Variants in KCNJ6 observed in about 807,000 individuals in gnomAD.
The protein encoded by KCNJ6 is G protein-activated inward rectifier potassium channel 2.
In KCNJ6, 9 loss-of-function variants were observed where a neutral mutation model predicts 34.2. The ratio of observed to expected loss-of-function variants is 0.26; its 90% CI spans 0.16 to 0.46. The LOEUF (loss-of-function observed/expected upper bound fraction) is 0.46, where lower values mean the gene tolerates loss of function less well. Ranked by LOEUF, KCNJ6 falls within the 20% of genes least tolerant of loss-of-function variation. The probability of loss-of-function intolerance (pLI) is 1.00; values close to 1 mark genes in which losing one functional copy is unlikely to be tolerated. For synonymous variants in KCNJ6, 196 were observed against 207.1 expected, an observed-to-expected ratio of 0.95 and a Z score of 0.46; for missense variants, 236 against 531.3, an observed-to-expected ratio of 0.44 and a Z score of 5.46.
intron 2 of KCNJ6, among the ~76,000 whole-genome samples, chr21:37,814,723 G>A (rs1601484724): frequency 6.6e-6 from 1 of 151,854 alleles, no homozygotes; most frequent in South Asian, 2.1e-4. Context: ...ACGGTGAAAC[G>A]CTGTCTCCAC....
chr21:37,704,048 T>G (rs760136193), intron 3 of KCNJ6, among the ~76,000 whole-genome samples: 1 of 152,236 alleles, frequency 6.6e-6, no homozygotes, highest in Non-Finnish European at 1.5e-5. Flanking sequence ...CATCTGTTGT[T>G]GGCTTAACAG....
intron 3 of KCNJ6, among the ~76,000 whole-genome samples, chr21:37,706,682 A>G (rs544814613): frequency 6.6e-5 from 10 of 152,388 alleles, no homozygotes; most frequent in African/African-American, 2.2e-4. Context: ...CATTCTTTCT[A>G]TGTAAACAGA....
At chr21:37,732,195 C>T (rs972712304) in intron 2 of KCNJ6, among the ~76,000 whole-genome samples, 2 of 151,374 alleles carry the variant, frequency 1.3e-5, no homozygotes, top group African/African-American at 4.8e-5. Flanking sequence ...AAGGTCAAAG[C>T]GTTGCCCTCA....
chr21:37,707,861 CTATT>C lies in KCNJ6; in HGVS notation c.946+6346_946+6349del, dbSNP rs570472156. ...GAATGCCCTAGGAAATAATAAAACTCTATTTGTTTAAGGATATGCTAATTAGAGA... is the reference window on the plus strand; with the variant it reads ...GAATGCCCTAGGAAATAATAAAACTCTGTTTAAGGATATGCTAATTAGAGA... On this transcript the variant is annotated intron_variant, in intron 3 of 3. Transcript: ENST00000609713. 3.1e-3 allele frequency among the ~76,000 whole-genome samples: 465 copies of C among 151,638 alleles called. 7 individuals carry two copies. The highest frequency in any genetic ancestry group is 0.011 in the African/African-American group (436 of 41,262).
chr21:37,834,730 T>C (rs1163622960), intron 2 of KCNJ6, among the ~76,000 whole-genome samples: 3 of 152,266 alleles, frequency 2.0e-5, no homozygotes, highest in African/African-American at 7.2e-5. Flanking sequence ...TTCAAATCTG[T>C]ACTAAATTTG....
chr21:37,628,151 A>G lies in KCNJ6; in HGVS notation c.947-2667T>C, dbSNP rs562725631. On this transcript the variant is annotated intron_variant, in intron 3 of 3. Transcript: ENST00000609713. Reference sequence around the variant, plus strand: ...GACACATGCAAAGAAATAAGAAAGTATGTCCCATACACAGGAAGGCAAGCA... The same window carrying G: ...GACACATGCAAAGAAATAAGAAAGTGTGTCCCATACACAGGAAGGCAAGCA... Among the ~76,000 whole-genome samples, 4 of 152,320 alleles carry G rather than the reference A, an allele frequency of 2.6e-5. No individual in the cohort carries two copies. The East Asian group carries it at 7.7e-4, about 29-fold the overall frequency.
At chr21:37,764,319 AG>A (rs1293672852) in intron 2 of KCNJ6, among the ~76,000 whole-genome samples, 1 of 152,022 alleles carries the variant, frequency 6.6e-6, no homozygotes, top group Admixed American at 6.5e-5. Flanking sequence ...TGACAGATGG[AG>A]GGGACAAAGT....
chr21:37,709,470 C>T (rs549621213), intron 3 of KCNJ6, among the ~76,000 whole-genome samples: 5 of 151,992 alleles, frequency 3.3e-5, no homozygotes, highest in African/African-American at 9.7e-5. Flanking sequence ...GCCAAGATCA[C>T]GCCACTGCAC....
intron 2 of KCNJ6, among the ~76,000 whole-genome samples, chr21:37,824,778 C>T (rs1049650704): frequency 1.3e-5 from 2 of 152,142 alleles, no homozygotes; most frequent in Non-Finnish European, 2.9e-5. Context: ...CCTAGCCATG[C>T]TTCCTGTTAA....
intron 2 of KCNJ6, among the ~76,000 whole-genome samples, chr21:37,778,700 T>C (rs979479538): frequency 6.7e-6 from 1 of 150,028 alleles, no homozygotes; most frequent in African/African-American, 2.4e-5. Context: ...TGTGTGCGTG[T>C]GTGTGTGTGT....
chr21:37,896,972 A>T (rs928766), intron 1 of KCNJ6, among the ~76,000 whole-genome samples: 11 of 152,056 alleles, frequency 7.2e-5, no homozygotes, highest in African/African-American at 2.7e-4. Flanking sequence ...GAGCTGTGGC[A>T]CTGCTGGGGA....
chr21:37,758,352 G>A (rs948824324), intron 2 of KCNJ6, among the ~76,000 whole-genome samples: 2 of 152,132 alleles, frequency 1.3e-5, no homozygotes, highest in South Asian at 4.1e-4. Flanking sequence ...TATTTTGGGA[G>A]AAGTTACCCT....
In KCNJ6 at chr21:37,770,997, G is replaced by A. The variant is rs148857765; in HGVS notation, c.26-55866C>T. ...GAACATCAACTAAGGACTTTGCGTC[G>A]TTTTCTAGGAAAAGAGTTGGTGTGC... On this transcript the variant is annotated intron_variant, in intron 2 of 3. Coordinates refer to ENST00000609713, the MANE Select transcript of KCNJ6 (RefSeq NM_002240.5). Among the ~76,000 whole-genome samples, 369 of 152,248 alleles carry A rather than the reference G, an allele frequency of 2.4e-3. 1 individual carries two copies. Among genetic ancestry groups the A allele is most frequent in the East Asian group, 7.9e-3 (41 of 5,180 alleles).
intron 3 of KCNJ6, among the ~76,000 whole-genome samples, chr21:37,692,220 C>CA (rs1374353838): frequency 6.6e-6 from 1 of 151,964 alleles, no homozygotes; most frequent in Non-Finnish European, 1.5e-5. Flanking sequence ...AAACAAAAAC[C>CA]AAAAAATCCC....
intron 1 of KCNJ6, among the ~76,000 whole-genome samples, chr21:37,867,902 AG>A (rs1216124595): frequency 6.6e-6 from 1 of 152,260 alleles, no homozygotes; most frequent in African/African-American, 2.4e-5. Flanking sequence ...CTGAAGAGCC[AG>A]GTGTGGTTGC....
At position 37,620,886 on chromosome 21, in the gene KCNJ6, ACT is replaced by A. The variant is rs1447766744; in HGVS notation, c.*4271_*4272del. 5.9e-5 allele frequency: 9 copies of A among 152,262 alleles called. No homozygotes were observed. The highest frequency in any genetic ancestry group is 1.3e-4 in the Admixed American group (2 of 15,290). The allele number at this position is 152,262 out of a possible 1,614,324, so 9.4% of individuals were successfully genotyped here. ...GACAGAATTTTGACTTCTAGATGAC[ACT>A]CTGCATCTAAAGCACTCAAGACATT... On this transcript the variant is annotated 3_prime_UTR_variant, in exon 4 of 4. Transcript: ENST00000609713.
At position 37,858,265 on chromosome 21, in the gene KCNJ6, C is replaced by T. The variant is rs1243404592; in HGVS notation, c.-27-17556G>A. On this transcript the variant is annotated intron_variant, in intron 1 of 3. Coordinates refer to ENST00000609713, the MANE Select transcript of KCNJ6 (RefSeq NM_002240.5). ...AAAATTAGCCAGGCGTAGTGGCGGG[C>T]GCCTGTAGTCCCAGCTACTCGGGAG... Among the ~76,000 whole-genome samples, 9 of 151,238 alleles carry T rather than the reference C, an allele frequency of 6.0e-5. 1 individual carries two copies. The South Asian group carries it at 6.3e-4, about 11-fold the overall frequency.
chr21:37,881,640 C>T (rs2055708873), intron 1 of KCNJ6, among the ~76,000 whole-genome samples: 1 of 152,150 alleles, frequency 6.6e-6, no homozygotes, highest in African/African-American at 2.4e-5. Context: ...GTTGACCTTC[C>T]AAAGTGCCGG....
At chr21:37,735,333 C>T (rs1181778482) in intron 2 of KCNJ6, among the ~76,000 whole-genome samples, 1 of 152,230 alleles carries the variant, frequency 6.6e-6, no homozygotes, top group Non-Finnish European at 1.5e-5. Flanking sequence ...GGATTACCTA[C>T]AGACCACCCA....
Sources: allele counts gnomAD v4.1 joint callset (sites outside exome capture counted in the v4.1 genomes callset), GRCh38; gene constraint gnomAD v4.1.1; transcripts MANE v1.5; gene names NCBI Gene and HGNC (gene_info 2026-07-23, HGNC 2026-07-21).